The following ANKRD12 variants were observed in gnomAD, a reference collection of about 807,000 sequenced individuals.
ANKRD12 encodes ankyrin repeat domain-containing protein 12.
Under a neutral mutation model 183.4 loss-of-function variants are expected in ANKRD12, and 85 were observed. The observed-to-expected ratio is 0.46, with a 90% confidence interval of 0.39 to 0.56. The LOEUF is 0.56. Among genes scored for constraint, ANKRD12 ranks in the 20% least tolerant of loss-of-function variants. The probability of loss-of-function intolerance (pLI) is 0.00; values close to 1 mark genes in which losing one functional copy is unlikely to be tolerated. For missense variants in ANKRD12, 2,405 were observed against 2,357.1 expected (o/e 1.02, Z -0.42); for synonymous variants, 914 against 800.2 (o/e 1.14, Z -2.40).
chr18:9,160,124 A>G (rs939076898), intron 1 of ANKRD12, among the ~76,000 whole-genome samples: 1 of 151,830 alleles, frequency 6.6e-6, no homozygotes, highest in Non-Finnish European at 1.5e-5. Flanking sequence ...ACAAAATATT[A>G]GCTGGGTGTG....
intron 1 of ANKRD12, among the ~76,000 whole-genome samples, chr18:9,164,253 C>A (rs1324587105): frequency 6.6e-6 from 1 of 152,126 alleles, no homozygotes; most frequent in Non-Finnish European, 1.5e-5. Flanking sequence ...TTTCTGAAGG[C>A]CTTTTCTGCA....
chr18:9,255,611 G>T lies in ANKRD12; in HGVS notation c.2344G>T (p.Asp782Tyr), dbSNP rs1440031818. Residue 782 changes from aspartate (D) to tyrosine (Y), a missense_variant, in exon 9 of 13, where the codon GAC becomes TAC. By Grantham distance (160) the Asp-to-Tyr change is radical. This residue lies in a region of ANKRD12 where 1,983 missense variants were observed against 1,725.9 expected (regional missense o/e 1.15). Transcript: ENST00000262126. ...GAGAGAAAACATACCCACAGATAAA[G>T]ACTCAGAATTTACTTCTTTGGGTAT... ...EERENIPTDK[D>Y]SEFTSLGMSA... The T allele has an allele frequency of 1.3e-5, 21 of 1,569,564 alleles. No individual in the cohort carries two copies. Among genetic ancestry groups the T allele is most frequent in the Non-Finnish European group, 1.8e-5 (21 of 1,168,138 alleles).
intron 8 of ANKRD12, among the ~76,000 whole-genome samples, chr18:9,240,564 G>T (rs547770386): frequency 3.9e-5 from 6 of 152,244 alleles, no homozygotes; most frequent in South Asian, 4.1e-4. Context: ...TAACAACTTT[G>T]CCAGACACTG....
In ANKRD12 at chr18:9,244,713, C is replaced by T. The variant is rs532668835; in HGVS notation, c.944-9498C>T. The stretch of plus-strand genomic sequence containing the variant: ...GAGACAAAAATTCCAGTAAGTATGA[C>T]GCAGGCTAAAATAATAGCATGATTT... On this transcript the variant is annotated intron_variant, in intron 8 of 12. Transcript: ENST00000262126. Among the ~76,000 whole-genome samples the T allele has an allele frequency of 1.1e-4, 16 of 152,214 alleles. No individual in the cohort carries two copies. In the South Asian group the frequency reaches 1.5e-3, roughly 14 times the overall value.
rs139677635 is a variant in ANKRD12 at position 9,260,877 on chromosome 18, C to G, written c.5664+1946C>G. On this transcript the variant is annotated intron_variant, in intron 9 of 12. Transcript: ENST00000262126. ...GCTTCTTTTTTGTAACTGCATAGCT[C>G]CACCTGAATGTCCATAAGCTCCAGA... Among the ~76,000 whole-genome samples, 670 of 152,226 alleles carry G rather than the reference C, an allele frequency of 4.4e-3. 5 individuals are homozygous for G. Among genetic ancestry groups the G allele is most frequent in the African/African-American group, 0.015 (641 of 41,534 alleles).
chr18:9,261,518 A>T (rs183017870), intron 9 of ANKRD12, among the ~76,000 whole-genome samples: 1 of 152,268 alleles, frequency 6.6e-6, no homozygotes, highest in African/African-American at 2.4e-5. Context: ...TCTGTGGAAC[A>T]TACTTTAAGA....
At chr18:9,268,267 A>G (rs1006801407) in intron 10 of ANKRD12, among the ~76,000 whole-genome samples, 1 of 152,220 alleles carries the variant, frequency 6.6e-6, no homozygotes, top group Non-Finnish European at 1.5e-5. Flanking sequence ...AACTCATTTT[A>G]TGAGGCCAGC....
intron 1 of ANKRD12, among the ~76,000 whole-genome samples, chr18:9,150,366 G>A (rs558739163): frequency 8.5e-5 from 13 of 152,146 alleles, no homozygotes; most frequent in African/African-American, 3.1e-4. Flanking sequence ...GAACGCTGTA[G>A]GACTCCAGAG....
chr18:9,201,826 G>T (rs1598539596), intron 3 of ANKRD12, among the ~76,000 whole-genome samples: 2 of 138,716 alleles, frequency 1.4e-5, no homozygotes, highest in East Asian at 2.1e-4. Flanking sequence ...AGTTTTTTTC[G>T]CTTTTTTTTT....
Position 9,157,550 on chromosome 18 carries a change from G to GGTGTGTATGTGTGTGT in ANKRD12, c.-52+20591_-52+20592insATGTGTGTGTGTGTGT, listed in dbSNP as rs1555707774. Among the ~76,000 whole-genome samples the GGTGTGTATGTGTGTGT allele has an allele frequency of 4.0e-4, 46 of 114,592 alleles. 2 individuals carry two copies. The highest frequency in any genetic ancestry group is 1.8e-3 in the African/African-American group (44 of 25,046). 75.2% of individuals were successfully genotyped at this position (114,592 alleles called of 152,430 possible). A position where few individuals can be genotyped will look rare whatever the true frequency, so the allele number is the denominator to read the frequency against. On this transcript the variant is annotated intron_variant, in intron 1 of 12. Transcript: ENST00000262126. ...AATGGTAAATTTTATGGTGTGTGTG[G>GGTGTGTATGTGTGTGT]GTGTGTGTGTGTGTGTGTGTGTGTG... is the stretch of plus-strand genomic sequence containing the variant.
At chr18:9,190,800 A>G (rs929931064) in intron 2 of ANKRD12, among the ~76,000 whole-genome samples, 1 of 152,224 alleles carries the variant, frequency 6.6e-6, no homozygotes, top group Non-Finnish European at 1.5e-5. Flanking sequence ...TATTTTAGAC[A>G]TGATAGTATT....
At chr18:9,212,120 T>G (rs886686082) in intron 6 of ANKRD12, among the ~76,000 whole-genome samples, 6 of 152,140 alleles carry the variant, frequency 3.9e-5, no homozygotes, top group Non-Finnish European at 7.4e-5. Context: ...TAAGAACATT[T>G]ATTAACTTGA....
chr18:9,156,154 AAG>A (rs1332558419), intron 1 of ANKRD12, among the ~76,000 whole-genome samples: 1 of 150,698 alleles, frequency 6.6e-6, no homozygotes, highest in African/African-American at 2.4e-5. Context: ...AAAAAAAAAA[AAG>A]AAAAAGACTT....
intron 6 of ANKRD12, among the ~76,000 whole-genome samples, chr18:9,215,004 T>C (rs1172476441): frequency 6.6e-6 from 1 of 152,146 alleles, no homozygotes; most frequent in African/African-American, 2.4e-5. Flanking sequence ...AAGGATGGTT[T>C]AATAATTTTA....
Position 9,258,215 on chromosome 18 carries a change from T to G in ANKRD12, c.4948T>G (p.Ser1650Ala). The part of the protein sequence containing the change: ...LVLTHLSRCD[S>A]DLCEMNAGMP... ...TTTAACTCATTTGAGTAGGTGTGAT[T>G]CTGATTTATGTGAAATGAATGCAGG... Residue 1650 changes from serine (S) to alanine (A), a missense_variant, in exon 9 of 13, where the codon TCT (serine) becomes GCT (alanine). Transcript: ENST00000262126. 6.2e-7 allele frequency: 1 copy of G among 1,613,886 alleles called. No homozygotes were observed. The highest frequency in any genetic ancestry group is 8.5e-7 in the Non-Finnish European group (1 of 1,179,952).
At position 9,175,178 on chromosome 18, in the gene ANKRD12, A is replaced by C. The variant is rs181736644; in HGVS notation, c.-51-7204A>C. Among the ~76,000 whole-genome samples, 502 of 152,240 alleles carry C rather than the reference A, an allele frequency of 3.3e-3. 6 individuals carry two copies. The highest frequency in any genetic ancestry group is 3.2e-3 in the Non-Finnish European group (219 of 68,018). On this transcript the variant is annotated intron_variant, in intron 1 of 12. Coordinates refer to ENST00000262126, the MANE Select transcript of ANKRD12 (RefSeq NM_015208.5). ...GATTCTGAGGGCCTGGAACTCACTA[A>C]ATGCTGCCAGACTCTAAAGTGATCT...
chr18:9,181,826 A>T (rs566123022), intron 1 of ANKRD12, among the ~76,000 whole-genome samples: 1 of 152,336 alleles, frequency 6.6e-6, no homozygotes, highest in East Asian at 1.9e-4. Context: ...CAAATTGGAA[A>T]TAAAATAATG....
chr18:9,204,581 G>T (rs1161405307), intron 4 of ANKRD12, 37 bp downstream of exon 4: 3 of 1,412,874 alleles, frequency 2.1e-6, no homozygotes, highest in South Asian at 2.5e-5. Flanking sequence ...TTAGCCAGTG[G>T]TTTCTGTCAC....
At chr18:9,162,227 TC>T (rs542012469) in intron 1 of ANKRD12, among the ~76,000 whole-genome samples, 47 of 147,438 alleles carry the variant, frequency 3.2e-4, no homozygotes, top group Non-Finnish European at 6.3e-4. Flanking sequence ...AGTGTGTTTG[TC>T]CCCCCCCACC....
Sources: allele counts gnomAD v4.1 joint callset (sites outside exome capture counted in the v4.1 genomes callset), GRCh38; gene constraint gnomAD v4.1.1; regional missense constraint gnomAD v4.1.1; transcripts MANE v1.5; gene names NCBI Gene and HGNC (gene_info 2026-07-23, HGNC 2026-07-21).